Variants in RPL39L observed in about 807,000 individuals in gnomAD.
RPL39L encodes ribosomal protein eL39-like 2.
For missense variants in RPL39L, 48 were observed against 58.9 expected (o/e 0.81, Z 0.61); for synonymous variants, 16 against 20.1 (o/e 0.80, Z 0.55).
chr3:187,129,296 C>T (rs1405463055), intron 1 of RPL39L, among the ~76,000 whole-genome samples: 4 of 152,174 alleles, frequency 2.6e-5, no homozygotes, highest in East Asian at 1.9e-4. Flanking sequence ...TTTGGGGAGA[C>T]GTGAAAAGCC....
At chr3:187,136,618 G>A in intron 1 of RPL39L, among the ~76,000 whole-genome samples, 1 of 152,234 alleles carries the variant, frequency 6.6e-6, no homozygotes, top group East Asian at 1.9e-4. Flanking sequence ...GTATTTTCTG[G>A]GAGATAAGAG....
At chr3:187,133,958 T>C (rs758506612) in intron 1 of RPL39L, among the ~76,000 whole-genome samples, 43 of 152,016 alleles carry the variant, frequency 2.8e-4, no homozygotes, top group Non-Finnish European at 4.9e-4. Flanking sequence ...CCTACTGTCC[T>C]ACACAAGATG....
chr3:187,129,333 T>C (rs1157843247), intron 1 of RPL39L, among the ~76,000 whole-genome samples: 1 of 152,212 alleles, frequency 6.6e-6, no homozygotes, highest in Non-Finnish European at 1.5e-5. Flanking sequence ...GCCAATCCAA[T>C]GTCCTCTGTG....
At chr3:187,132,742 G>A (rs1486746789) in intron 1 of RPL39L, among the ~76,000 whole-genome samples, 1 of 152,078 alleles carries the variant, frequency 6.6e-6, no homozygotes, top group Non-Finnish European at 1.5e-5. Flanking sequence ...GAAGAACTAC[G>A]AAATAATTTT....
At chr3:187,121,615 G>C (rs544098710) in intron 2 of RPL39L, among the ~76,000 whole-genome samples, 1 of 152,146 alleles carries the variant, frequency 6.6e-6, no homozygotes, top group East Asian at 1.9e-4. Context: ...TGCTTCTCTT[G>C]TTAAATGTCC....
chr3:187,123,313 A>C (rs1174893498), intron 2 of RPL39L, among the ~76,000 whole-genome samples: 3 of 152,238 alleles, frequency 2.0e-5, no homozygotes, highest in African/African-American at 7.2e-5. Flanking sequence ...ACTAAGCCGC[A>C]AGTATCCTTG....
intron 1 of RPL39L, among the ~76,000 whole-genome samples, chr3:187,131,517 C>CA (rs1343342289): frequency 1.3e-5 from 2 of 152,144 alleles, no homozygotes; most frequent in African/African-American, 2.4e-5. Context: ...GCCTGGGAGA[C>CA]AGAGAGAGAC....
At chr3:187,129,843 CTT>C (rs59449021) in intron 1 of RPL39L, among the ~76,000 whole-genome samples, 4,219 of 143,294 alleles carry the variant, frequency 0.029, 159 homozygotes, top group African/African-American at 0.09. Flanking sequence ...CCCCTCCACC[CTT>C]TTTTTTTTTT....
intron 1 of RPL39L, among the ~76,000 whole-genome samples, chr3:187,137,198 CAAAAAAAAAAA>C (rs33967617): frequency 2.7e-5 from 1 of 37,626 alleles, no homozygotes; most frequent in African/African-American, 8.9e-5. Flanking sequence ...CACTCTTCCT[CAAAAAAAAAAA>C]AAAAAAAAAA....
At chr3:187,123,431 C>T (rs1430934590) in intron 2 of RPL39L, among the ~76,000 whole-genome samples, 4 of 152,138 alleles carry the variant, frequency 2.6e-5, no homozygotes, top group Non-Finnish European at 5.9e-5. Flanking sequence ...TTATTTTCTT[C>T]CCATACATTA....
chr3:187,129,455 C>T (rs1042890958), intron 1 of RPL39L, among the ~76,000 whole-genome samples: 5 of 152,172 alleles, frequency 3.3e-5, no homozygotes, highest in South Asian at 2.1e-4. Context: ...AACATGGCCT[C>T]GGAATAGAGC....
intron 1 of RPL39L, among the ~76,000 whole-genome samples, chr3:187,130,914 C>T (rs980744295): frequency 6.6e-6 from 1 of 152,200 alleles, no homozygotes; most frequent in Non-Finnish European, 1.5e-5. Flanking sequence ...CATCACATGA[C>T]ATTTGTATCA....
rs144805939 is a variant in RPL39L at position 187,124,182 on chromosome 3, T to C, written c.-28-2854A>G. Among the ~76,000 whole-genome samples, 929 of 152,326 alleles carry C rather than the reference T, an allele frequency of 6.1e-3. 11 individuals are homozygous for C. Among genetic ancestry groups the C allele is most frequent in the African/African-American group, 0.021 (876 of 41,560 alleles). On this transcript the variant is annotated intron_variant, in intron 2 of 2. Transcript: ENST00000296277. ...GGAGTTCAATTTTCTCAAGAAAATATTGAATTACATACCTCTGGCTATATG... is the reference window on the plus strand; with the variant it reads ...GGAGTTCAATTTTCTCAAGAAAATACTGAATTACATACCTCTGGCTATATG...
At chr3:187,139,060 A>AAAACAAACAAACAAAC (rs112153457) in intron 1 of RPL39L, among the ~76,000 whole-genome samples, 153 bp downstream of exon 1, 24 of 147,958 alleles carry the variant, frequency 1.6e-4, no homozygotes, top group African/African-American at 6.2e-4. Context: ...CCTGTCTCAA[A>AAAACAAACAAACAAAC]AAACAAACAA....
At chr3:187,125,544 T>A (rs887481610) in intron 2 of RPL39L, among the ~76,000 whole-genome samples, 1 of 152,016 alleles carries the variant, frequency 6.6e-6, no homozygotes, top group East Asian at 1.9e-4. Context: ...CTGCTGCCTG[T>A]TGACCACTAC....
At chr3:187,138,555 G>A (rs958757345) in intron 1 of RPL39L, among the ~76,000 whole-genome samples, 1 of 152,224 alleles carries the variant, frequency 6.6e-6, no homozygotes, top group Admixed American at 6.5e-5. Context: ...GTGAGCAGAT[G>A]AGGCAGATAG....
At position 187,121,342 on chromosome 3, in the gene RPL39L, A is replaced by C. The variant is rs1325537504; in HGVS notation, c.-28-14T>G. 4 of 1,604,808 alleles carry C rather than the reference A, an allele frequency of 2.5e-6. No homozygotes were observed. The highest frequency in any genetic ancestry group is 1.7e-5 in the Admixed American group (1 of 59,746). ...AACCACACACCACTATGGCGGAGAA[A>C]GGGAGAGAGAGACAGAGACAATATT... On this transcript the variant is annotated splice_polypyrimidine_tract_variant and intron_variant, in intron 2 of 2. Coordinates refer to ENST00000296277, the MANE Select transcript of RPL39L (RefSeq NM_052969.3).
At chr3:187,134,523 T>A (rs1720542359) in intron 1 of RPL39L, among the ~76,000 whole-genome samples, 1 of 137,346 alleles carries the variant, frequency 7.3e-6, no homozygotes, top group Admixed American at 6.9e-5. Flanking sequence ...ATTACCAACA[T>A]CTGCAATGAA....
chr3:187,133,169 C>T (rs1720514344), intron 1 of RPL39L, among the ~76,000 whole-genome samples: 1 of 152,144 alleles, frequency 6.6e-6, no homozygotes, highest in African/African-American at 2.4e-5. Flanking sequence ...CTAGAGAGAG[C>T]CTCCTCGGTG....
Sources: gnomAD v4.1 joint callset for allele counts (sites outside exome capture counted in the v4.1 genomes callset) on GRCh38, gnomAD v4.1.1 for gene constraint, MANE v1.5 for transcripts, NCBI Gene and HGNC (gene_info 2026-07-23, HGNC 2026-07-21) for gene names.